Variants in RBMS3 observed in about 807,000 individuals in gnomAD.
RBMS3 encodes the protein RNA binding motif single stranded interacting protein 3.
A neutral mutation model predicts 66.8 loss-of-function variants in RBMS3; 27 were observed. That is an observed-to-expected ratio of 0.40 (90% CI 0.30 to 0.56). The LOEUF is 0.56. RBMS3 is among the 20% of genes least tolerant of loss of function. The pLI, the probability that RBMS3 is intolerant of heterozygous loss-of-function variation, is 0.40. For missense variants in RBMS3, 513 were observed against 549.5 expected (o/e 0.93, Z 0.66); for synonymous variants, 188 against 183.0 (o/e 1.03, Z -0.22).
intron 6 of RBMS3, among the ~76,000 whole-genome samples, chr3:29,768,677 C>A (rs747784614): frequency 6.6e-6 from 1 of 151,852 alleles, no homozygotes; most frequent in African/African-American, 2.4e-5. Context: ...GGAGTTATCA[C>A]CCCCTGGGAT....
intron 3 of RBMS3, among the ~76,000 whole-genome samples, chr3:29,533,392 G>A (rs1576146603): frequency 6.6e-6 from 1 of 152,318 alleles, no homozygotes; most frequent in Non-Finnish European, 1.5e-5. Context: ...TGATGTGGGA[G>A]GATGGTTTGA....
chr3:29,771,555 C>G (rs1267278008), intron 6 of RBMS3, among the ~76,000 whole-genome samples: 1 of 151,918 alleles, frequency 6.6e-6, no homozygotes, highest in East Asian at 1.9e-4. Flanking sequence ...AAGGTTACAG[C>G]AAAAATTAAG....
chr3:29,840,557 G>A (rs1249043875), intron 6 of RBMS3, among the ~76,000 whole-genome samples: 2 of 151,962 alleles, frequency 1.3e-5, no homozygotes, highest in Non-Finnish European at 2.9e-5. Context: ...ATTTTTGAAA[G>A]AGTAAAAGAA....
intron 6 of RBMS3, among the ~76,000 whole-genome samples, chr3:29,769,761 A>C (rs2056116116): frequency 6.6e-6 from 1 of 151,952 alleles, no homozygotes; most frequent in African/African-American, 2.4e-5. Context: ...AATGACAATC[A>C]TACATATATT....
rs114770621 is a variant in RBMS3, at chr3:30,009,645, T to A, written c.*5783T>A. On this transcript the variant is annotated 3_prime_UTR_variant, in exon 15 of 15. Transcript: ENST00000383767. ...ATAACGGTAGCTCTTGGTACAGTCA[T>A]ATTCATATTTTTAAATCTTTCTTTG... 1.1e-3 allele frequency: 170 copies of A among 152,260 alleles called. 1 individual carries two copies. The highest frequency in any genetic ancestry group is 3.9e-3 in the African/African-American group (162 of 41,532). The allele number at this position is 152,260 out of a possible 1,614,324, so 9.4% of individuals were successfully genotyped here.
intron 3 of RBMS3, among the ~76,000 whole-genome samples, chr3:29,562,265 G>A (rs1235230148): frequency 1.3e-5 from 2 of 152,018 alleles, no homozygotes; most frequent in African/African-American, 2.4e-5. Context: ...TGAAGAAAAC[G>A]GCAGCCCCTA....
At chr3:29,518,885 T>C (rs950827051) in intron 3 of RBMS3, among the ~76,000 whole-genome samples, 3 of 152,212 alleles carry the variant, frequency 2.0e-5, no homozygotes, top group Non-Finnish European at 4.4e-5. Context: ...GGGCTACTTC[T>C]GTGAGCAAAG....
intron 6 of RBMS3, among the ~76,000 whole-genome samples, chr3:29,859,552 T>C (rs1398814326): frequency 6.6e-6 from 1 of 152,220 alleles, no homozygotes; most frequent in African/African-American, 2.4e-5. Flanking sequence ...AATCAAGAGT[T>C]TGAATTAAGA....
chr3:29,350,161 GAA>G (rs11401285), intron 1 of RBMS3, among the ~76,000 whole-genome samples: 58 of 136,162 alleles, frequency 4.3e-4, no homozygotes, highest in African/African-American at 1.1e-3. Context: ...AACTCCATCT[GAA>G]AAAAAAAAAA....
intron 2 of RBMS3, among the ~76,000 whole-genome samples, chr3:29,456,446 C>G (rs550536065): frequency 6.6e-6 from 1 of 152,206 alleles, no homozygotes; most frequent in African/African-American, 2.4e-5. Context: ...GAGCTTGGCT[C>G]AGAATAGAAT....
At chr3:29,704,186 G>T (rs537595472) in intron 4 of RBMS3, among the ~76,000 whole-genome samples, 9 of 152,024 alleles carry the variant, frequency 5.9e-5, no homozygotes, top group African/African-American at 2.2e-4. Flanking sequence ...AACGTAATGC[G>T]CTTGAATCAT....
At chr3:29,332,813 A>G (rs2035741973) in intron 1 of RBMS3, among the ~76,000 whole-genome samples, 1 of 152,202 alleles carries the variant, frequency 6.6e-6, no homozygotes, top group African/African-American at 2.4e-5. Flanking sequence ...ATAATTGATA[A>G]CATTGGAAAA....
intron 6 of RBMS3, among the ~76,000 whole-genome samples, chr3:29,857,561 T>TA (rs35553639): frequency 0.11 from 15,556 of 139,418 alleles, 1,081 homozygotes; most frequent in South Asian, 0.19. Flanking sequence ...CTTTTTTTGT[T>TA]AAAAAAAAAA....
At position 29,790,441 on chromosome 3, in the gene RBMS3, T is replaced by C. The variant is rs75174856; in HGVS notation, c.637+27452T>C. 3.1e-3 allele frequency among the ~76,000 whole-genome samples: 466 copies of C among 152,266 alleles called. 1 individual carries two copies. Among genetic ancestry groups the C allele is most frequent in the African/African-American group, 0.011 (443 of 41,570 alleles). On this transcript the variant is annotated intron_variant, in intron 6 of 14. Transcript: ENST00000383767. ...ATATATTTTGTGTGGTTCGGTTCTA[T>C]GAATTTTCAAAGAGCATGATTCATT...
intron 14 of RBMS3, among the ~76,000 whole-genome samples, chr3:29,994,173 G>T (rs932661868): frequency 3.9e-5 from 6 of 152,212 alleles, no homozygotes; most frequent in African/African-American, 1.2e-4. Context: ...GTGACGGACG[G>T]CACCTGGAAA....
At chr3:29,721,014 A>G in intron 4 of RBMS3, among the ~76,000 whole-genome samples, 1 of 152,208 alleles carries the variant, frequency 6.6e-6, no homozygotes, top group Non-Finnish European at 1.5e-5. Context: ...GTCATGTGGC[A>G]CAAAGTATAC....
chr3:29,705,400 A>G (rs1387770486), intron 4 of RBMS3, among the ~76,000 whole-genome samples: 1 of 152,324 alleles, frequency 6.6e-6, no homozygotes, highest in South Asian at 2.1e-4. Context: ...AAAGAATCAC[A>G]TGTTATAGAA....
intron 1 of RBMS3, among the ~76,000 whole-genome samples, chr3:29,318,535 C>T (rs915738956): frequency 6.6e-6 from 1 of 151,868 alleles, no homozygotes; most frequent in Non-Finnish European, 1.5e-5. Context: ...CACAAGAGGT[C>T]CTTCCCATGG....
At chr3:29,284,800 T>C (rs1035482264) in intron 1 of RBMS3, among the ~76,000 whole-genome samples, 4 of 151,350 alleles carry the variant, frequency 2.6e-5, no homozygotes, top group African/African-American at 9.7e-5. Flanking sequence ...CTGTGCTCCC[T>C]CTTTCACACC....
Sources: allele counts gnomAD v4.1 joint callset (sites outside exome capture counted in the v4.1 genomes callset), GRCh38; gene constraint gnomAD v4.1.1; transcripts MANE v1.5; gene names NCBI Gene and HGNC (gene_info 2026-07-23, HGNC 2026-07-21).